TAFA4: variants seen among roughly 807,000 people sequenced by gnomAD.
The protein encoded by TAFA4 is chemokine-like protein TAFA-4.
Under a neutral mutation model 21.1 loss-of-function variants are expected in TAFA4, and 20 were observed. The observed-to-expected ratio is 0.95, with a 90% CI of 0.67 to 1.38. The LOEUF (loss-of-function observed/expected upper bound fraction) is 1.38. Among genes scored for constraint, TAFA4 ranks in the 40% most tolerant of loss-of-function variants. The pLI, the probability that TAFA4 is intolerant of heterozygous loss-of-function variation, is 0.00. For synonymous variants in TAFA4, 71 were observed against 67.4 expected (o/e 1.05, Z -0.26); for missense variants, 211 against 180.9 (o/e 1.17, Z -0.95).
At chr3:68,926,123 T>G (rs971728639) in intron 1 of TAFA4, among the ~76,000 whole-genome samples, 1 of 151,694 alleles carries the variant, frequency 6.6e-6, no homozygotes, top group Non-Finnish European at 1.5e-5. Context: ...TCCCAGCTAC[T>G]CAGGAGGCTG....
intron 3 of TAFA4, among the ~76,000 whole-genome samples, chr3:68,817,142 CG>C (rs1254656988): frequency 1.3e-5 from 2 of 152,164 alleles, no homozygotes; most frequent in African/African-American, 4.8e-5. Flanking sequence ...TCAAACCCTG[CG>C]TTTTATCAAA....
chr3:68,931,373 G>A (rs1309662031), intron 1 of TAFA4, among the ~76,000 whole-genome samples: 1 of 152,154 alleles, frequency 6.6e-6, no homozygotes, highest in Non-Finnish European at 1.5e-5. Context: ...CTGATTCACA[G>A]CTTTACTAAG....
chr3:68,733,751 G>A (rs1031512054), intron 5 of TAFA4, among the ~76,000 whole-genome samples: 1 of 152,066 alleles, frequency 6.6e-6, no homozygotes, highest in African/African-American at 2.4e-5. Flanking sequence ...GGAAAAAAAA[G>A]CATAAGACTT....
chr3:68,763,575 A>G (rs1028171678), intron 3 of TAFA4, among the ~76,000 whole-genome samples: 3 of 152,064 alleles, frequency 2.0e-5, no homozygotes, highest in Non-Finnish European at 2.9e-5. Context: ...TCTAACCAAC[A>G]TTCCTCAGTC....
intron 3 of TAFA4, among the ~76,000 whole-genome samples, chr3:68,876,814 G>T (rs1400875099): frequency 6.6e-6 from 1 of 151,862 alleles, no homozygotes; most frequent in Non-Finnish European, 1.5e-5. Flanking sequence ...ACATTCAAAA[G>T]AAGAAGACAG....
At chr3:68,839,421 A>G (rs1704601721) in intron 3 of TAFA4, among the ~76,000 whole-genome samples, 1 of 152,208 alleles carries the variant, frequency 6.6e-6, no homozygotes, top group Admixed American at 6.5e-5. Context: ...CCAAAACAAC[A>G]ACAATGAACA....
At chr3:68,922,364 G>C (rs2090067688) in intron 1 of TAFA4, among the ~76,000 whole-genome samples, 1 of 152,070 alleles carries the variant, frequency 6.6e-6, no homozygotes, top group Non-Finnish European at 1.5e-5. Flanking sequence ...GGTAATATTA[G>C]GAATGTCAAG....
At chr3:68,901,385 C>T (rs987290548) in intron 1 of TAFA4, among the ~76,000 whole-genome samples, 3 of 152,138 alleles carry the variant, frequency 2.0e-5, no homozygotes, top group East Asian at 3.9e-4. Context: ...ATAGAATTAG[C>T]CCATTTCATA....
At chr3:68,758,015 ATG>A (rs1702689320) in intron 3 of TAFA4, among the ~76,000 whole-genome samples, 1 of 152,162 alleles carries the variant, frequency 6.6e-6, no homozygotes, top group Admixed American at 6.5e-5. Context: ...CTTTAAGAAA[ATG>A]TACAGAAATT....
At position 68,881,747 on chromosome 3, in the gene TAFA4, C is replaced by T. The variant is rs371800539; in HGVS notation, c.15-902G>A. ...CCTGTTTAATATATGCAAATGTATACACACTTATGGGCCGACAATAAAAAC... is the reference window on the plus strand; with the variant it reads ...CCTGTTTAATATATGCAAATGTATATACACTTATGGGCCGACAATAAAAAC... On this transcript the variant is annotated intron_variant, in intron 2 of 5. Coordinates refer to ENST00000295569, the MANE Select transcript of TAFA4 (RefSeq NM_182522.5). 7.2e-5 allele frequency among the ~76,000 whole-genome samples: 11 copies of T among 152,290 alleles called. No individual in the cohort carries two copies. In the South Asian group the frequency reaches 1.0e-3, roughly 14 times the overall value.
At chr3:68,919,960 A>G (rs935396260) in intron 1 of TAFA4, among the ~76,000 whole-genome samples, 1 of 152,222 alleles carries the variant, frequency 6.6e-6, no homozygotes, top group African/African-American at 2.4e-5. Context: ...AGAAAAATGC[A>G]AACACATGGG....
Position 68,855,106 on chromosome 3 carries a change from T to G in TAFA4, c.130+25624A>C, listed in dbSNP as rs867345360. The stretch of plus-strand genomic sequence containing the variant: ...AAAGCTAAGTAAGAAATAAAAAATG[T>G]AAGTCACAACAGAACTATGCTGGCT... On this transcript the variant is annotated intron_variant, in intron 3 of 5. Coordinates refer to ENST00000295569, the MANE Select transcript of TAFA4 (RefSeq NM_182522.5). 2.0e-5 allele frequency among the ~76,000 whole-genome samples: 3 copies of G among 152,162 alleles called. No individual in the cohort carries two copies. In the South Asian group the frequency reaches 6.2e-4, roughly 31 times the overall value.
intron 3 of TAFA4, among the ~76,000 whole-genome samples, chr3:68,842,463 A>T (rs1704687378): frequency 6.6e-6 from 1 of 152,072 alleles, no homozygotes; most frequent in South Asian, 2.1e-4. Context: ...AGGTGGATGG[A>T]TTGCAAAAAT....
intron 3 of TAFA4, among the ~76,000 whole-genome samples, chr3:68,811,931 C>G (rs369626960): frequency 6.6e-6 from 1 of 152,070 alleles, no homozygotes; most frequent in Non-Finnish European, 1.5e-5. Context: ...AGAGAAAGGT[C>G]GGGTTACCCA....
At chr3:68,801,565 A>T (rs972312959) in intron 3 of TAFA4, among the ~76,000 whole-genome samples, 2 of 152,210 alleles carry the variant, frequency 1.3e-5, no homozygotes, top group Admixed American at 6.5e-5. Context: ...CATGAATGTC[A>T]CCCAGAAAGG....
At chr3:68,785,956 A>G (rs1244080242) in intron 3 of TAFA4, among the ~76,000 whole-genome samples, 7 of 152,234 alleles carry the variant, frequency 4.6e-5, no homozygotes, top group Non-Finnish European at 8.8e-5. Flanking sequence ...CACAATGATC[A>G]TGTACAAGGC....
chr3:68,774,342 C>G (rs1264882947), intron 3 of TAFA4, among the ~76,000 whole-genome samples: 1 of 152,164 alleles, frequency 6.6e-6, no homozygotes, highest in African/African-American at 2.4e-5. Flanking sequence ...ATTTTATTGA[C>G]TATTTAATAC....
chr3:68,871,234 C>G (rs1474731566), intron 3 of TAFA4, among the ~76,000 whole-genome samples: 1 of 152,042 alleles, frequency 6.6e-6, no homozygotes, highest in Non-Finnish European at 1.5e-5. Flanking sequence ...ATAAATCATT[C>G]TACTGTAAAG....
At chr3:68,799,406 T>G (rs1009668889) in intron 3 of TAFA4, among the ~76,000 whole-genome samples, 4 of 152,068 alleles carry the variant, frequency 2.6e-5, no homozygotes, top group Non-Finnish European at 5.9e-5. Context: ...GCCCCTGCCC[T>G]CATGACCGAA....
Sources: allele counts gnomAD v4.1 joint callset (sites outside exome capture counted in the v4.1 genomes callset), GRCh38; gene constraint gnomAD v4.1.1; transcripts MANE v1.5; gene names NCBI Gene and HGNC (gene_info 2026-07-23, HGNC 2026-07-21).